FLVCR2: variants seen among roughly 807,000 people sequenced by gnomAD.
The protein encoded by FLVCR2 is FLVCR choline and putative heme transporter 2.
In FLVCR2, 38 loss-of-function variants were observed where a neutral mutation model predicts 48.9. That is an observed-to-expected ratio of 0.78 (90% confidence interval 0.60 to 1.02). The LOEUF (loss-of-function observed/expected upper bound fraction) is 1.02. Ranked by LOEUF, FLVCR2 falls within the 50% of genes least tolerant of loss-of-function variation. The pLI, the probability that FLVCR2 is intolerant of heterozygous loss-of-function variation, is 0.00. For synonymous variants in FLVCR2, 255 were observed against 257.0 expected (o/e 0.99, Z 0.07); for missense variants, 664 against 663.3 (o/e 1.00, Z -0.01).
chr14:75,617,295 G>A (rs1262207417), intron 1 of FLVCR2, among the ~76,000 whole-genome samples: 2 of 152,118 alleles, frequency 1.3e-5, no homozygotes, highest in East Asian at 1.9e-4. Flanking sequence ...GCCCTCAGAC[G>A]ACATAGACAT....
chr14:75,624,534 G>T (rs1419860580), intron 2 of FLVCR2, 78 bp from the exon 3 acceptor site: 10 of 1,544,320 alleles, frequency 6.5e-6, no homozygotes, highest in Non-Finnish European at 8.1e-6. Flanking sequence ...TGATGGAGCA[G>T]CTTTCATTCA....
intron 1 of FLVCR2, among the ~76,000 whole-genome samples, chr14:75,602,455 G>C (rs1200899397): frequency 6.6e-6 from 1 of 152,118 alleles, no homozygotes; most frequent in African/African-American, 2.4e-5. Context: ...AGGCTGTCTA[G>C]GAGGGCTACC....
At chr14:75,630,632 G>T (rs901749160) in intron 3 of FLVCR2, among the ~76,000 whole-genome samples, 2 of 152,178 alleles carry the variant, frequency 1.3e-5, no homozygotes, top group Non-Finnish European at 2.9e-5. Flanking sequence ...AAAGTGGGAG[G>T]ATCGTTTGAG....
chr14:75,645,089 G>A (rs1890391845), intron 9 of FLVCR2, among the ~76,000 whole-genome samples: 1 of 151,124 alleles, frequency 6.6e-6, no homozygotes, highest in African/African-American at 2.4e-5. Context: ...AGAGAGAGAG[G>A]GGAGACTAAG....
At chr14:75,634,467 T>C (rs1377729056) in intron 4 of FLVCR2, among the ~76,000 whole-genome samples, 2 of 152,222 alleles carry the variant, frequency 1.3e-5, no homozygotes, top group Non-Finnish European at 2.9e-5. Context: ...GCCTGGCTTA[T>C]AGTAAGCACT....
rs1295343307 is a variant in FLVCR2, at chr14:75,578,916, C to T, written c.-57C>T. The T allele has an allele frequency of 1.3e-6, 2 of 1,519,418 alleles. No homozygotes were observed. The highest frequency in any genetic ancestry group is 9.1e-7 in the Non-Finnish European group (1 of 1,094,524). The allele number at this position is 1,519,418 out of a possible 1,614,324, so 94.1% of individuals were successfully genotyped here. A position where few individuals can be genotyped will look rare whatever the true frequency, so the allele number is the denominator to read the frequency against. ...TAAGAGACCAGCAGAGGCCACTGTC[C>T]CTTAAGACTGCCGGAGTCCTCACCA... On this transcript the variant is annotated 5_prime_UTR_variant, in exon 1 of 10. Coordinates refer to ENST00000238667, the MANE Select transcript of FLVCR2 (RefSeq NM_017791.3).
At chr14:75,618,471 T>A (rs77467010) in intron 1 of FLVCR2, among the ~76,000 whole-genome samples, 11,897 of 152,220 alleles carry the variant, frequency 0.078, 897 homozygotes, top group East Asian at 0.41. Context: ...GACCATGAAT[T>A]TTGTATTTTG....
At position 75,579,020 on chromosome 14, in the gene FLVCR2, G is replaced by C; in HGVS notation, c.48G>C (p.Val16=). 1 of 1,614,078 alleles carries C rather than the reference G, an allele frequency of 6.2e-7. No homozygotes were observed. The highest frequency in any genetic ancestry group is 8.5e-7 in the Non-Finnish European group (1 of 1,180,000). ...PNQEESDDTP[V]PESALQADPS... is the part of the protein sequence containing the mutation. The stretch of plus-strand genomic sequence containing the variant: ...AGGAAGAGAGCGATGACACCCCTGT[G>C]CCGGAGTCCGCACTCCAAGCGGACC... The change falls in exon 1 of 10, where the codon GTG becomes GTC. Residue 16 remains valine, a synonymous_variant. Transcript: ENST00000238667.
intron 1 of FLVCR2, among the ~76,000 whole-genome samples, chr14:75,591,151 C>T (rs866626207): frequency 6.6e-6 from 1 of 152,324 alleles, no homozygotes; most frequent in Non-Finnish European, 1.5e-5. Context: ...ACAAGTGATC[C>T]TCCCACCTCA....
chr14:75,619,263 A>G lies in FLVCR2; in HGVS notation c.670-2816A>G, dbSNP rs189131166. 3.5e-3 allele frequency among the ~76,000 whole-genome samples: 538 copies of G among 152,164 alleles called. 3 individuals are homozygous for G. Among genetic ancestry groups the G allele is most frequent in the Non-Finnish European group, 5.8e-3 (396 of 67,996 alleles). ...TAATTAATTAAAAATAAATAAAGTT[A>G]TTGGGGTTAAATGAAAAGATAAAGT... On this transcript the variant is annotated intron_variant, in intron 1 of 9. Coordinates refer to ENST00000238667, the MANE Select transcript of FLVCR2 (RefSeq NM_017791.3).
chr14:75,634,682 C>T (rs942526265), intron 4 of FLVCR2, among the ~76,000 whole-genome samples: 5 of 152,144 alleles, frequency 3.3e-5, no homozygotes, highest in African/African-American at 7.2e-5. Context: ...TTGGTTCATC[C>T]TTGTCACTCC....
intron 8 of FLVCR2, 93 bp from the exon 9 acceptor site, chr14:75,641,750 A>G (rs1228542288): frequency 6.8e-6 from 8 of 1,169,510 alleles, no homozygotes; most frequent in African/African-American, 1.5e-5. Context: ...AGTTTGGGAT[A>G]CCTGTGACCC....
chr14:75,589,941 T>C (rs926925748), intron 1 of FLVCR2, among the ~76,000 whole-genome samples: 1 of 152,230 alleles, frequency 6.6e-6, no homozygotes, highest in African/African-American at 2.4e-5. Flanking sequence ...CCACGGTGAC[T>C]ATCTGGAAAC....
At position 75,639,413 on chromosome 14, in the gene FLVCR2, T is replaced by C; in HGVS notation, c.1186T>C (p.Leu396=). 1 of 1,614,138 alleles carries C rather than the reference T, an allele frequency of 6.2e-7. No individual in the cohort carries two copies. The highest frequency in any genetic ancestry group is 1.1e-5 in the South Asian group (1 of 91,082). ...LVGMVVYTFT[L]NLGHLWVVFI... is the part of the protein sequence containing the mutation. ...GGGCATGGTGGTGTACACGTTTACC[T>C]TGAACCTGGGACACCTGTGGGTAGT... is the stretch of plus-strand genomic sequence containing the variant. The change falls in exon 6 of 10, where the codon TTG becomes CTG. Residue 396 remains leucine, a synonymous_variant. Transcript: ENST00000238667.
At chr14:75,594,620 C>T (rs183225951) in intron 1 of FLVCR2, among the ~76,000 whole-genome samples, 9 of 152,290 alleles carry the variant, frequency 5.9e-5, no homozygotes, top group South Asian at 2.1e-4. Context: ...TGGCAGGAGC[C>T]GTCACATGGG....
intron 9 of FLVCR2, among the ~76,000 whole-genome samples, chr14:75,643,860 C>T (rs1346825148): frequency 6.6e-6 from 1 of 152,122 alleles, no homozygotes; most frequent in Non-Finnish European, 1.5e-5. Context: ...GTGGGCAGAT[C>T]AGGAGTTTGA....
chr14:75,620,321 T>C (rs892839131), intron 1 of FLVCR2, among the ~76,000 whole-genome samples: 1 of 152,206 alleles, frequency 6.6e-6, no homozygotes, highest in Non-Finnish European at 1.5e-5. Flanking sequence ...TGCCTGGGCC[T>C]TTCTCCAGGC....
chr14:75,596,227 C>T, intron 1 of FLVCR2: 1 of 642,336 alleles, frequency 1.6e-6, no homozygotes. Context: ...TATCCTCAGA[C>T]AGCCAGGGAG....
intron 5 of FLVCR2, among the ~76,000 whole-genome samples, chr14:75,637,600 G>A (rs1046622650): frequency 5.3e-5 from 8 of 151,818 alleles, no homozygotes; most frequent in African/African-American, 1.7e-4. Context: ...GCGTGGTGGC[G>A]GGCCCCTGTA....
Sources: gnomAD v4.1 joint callset for allele counts (sites outside exome capture counted in the v4.1 genomes callset) on GRCh38, gnomAD v4.1.1 for gene constraint, MANE v1.5 for transcripts, NCBI Gene and HGNC (gene_info 2026-07-23, HGNC 2026-07-21) for gene names.